Variants in SHROOM3 observed in about 807,000 individuals in gnomAD.
The protein encoded by SHROOM3 is shroom family member 3, also known as protein Shroom3.
In SHROOM3, 47 loss-of-function variants were observed where a neutral mutation model predicts 138.6. The ratio of observed to expected loss-of-function variants is 0.34; its 90% CI spans 0.27 to 0.43. SHROOM3 has a LOEUF of 0.43. Ranked by LOEUF, SHROOM3 falls within the 20% of genes least tolerant of loss-of-function variation. The pLI is 1.00. For missense variants in SHROOM3, 2,491 were observed against 2,596.5 expected (o/e 0.96, Z 0.88); for synonymous variants, 1,062 against 1,063.3 (o/e 1.00, Z 0.02).
At chr4:76,522,155 T>C (rs1732579893) in intron 1 of SHROOM3, among the ~76,000 whole-genome samples, 1 of 150,922 alleles carries the variant, frequency 6.6e-6, no homozygotes, top group Non-Finnish European at 1.5e-5. Flanking sequence ...TTGGATCTTT[T>C]TTTTTTTTTA....
chr4:76,624,542 G>T (rs1394338807), intron 2 of SHROOM3, among the ~76,000 whole-genome samples: 5 of 152,072 alleles, frequency 3.3e-5, no homozygotes, highest in African/African-American at 1.2e-4. Context: ...GGTTTCCAAG[G>T]GTGGGTGAGG....
intron 1 of SHROOM3, among the ~76,000 whole-genome samples, chr4:76,463,902 A>T (rs751180959): frequency 5.9e-5 from 9 of 152,230 alleles, no homozygotes; most frequent in Non-Finnish European, 1.2e-4. Flanking sequence ...GTGTATGGAA[A>T]TTCCTGGATG....
intron 2 of SHROOM3, among the ~76,000 whole-genome samples, chr4:76,663,403 A>G (rs1401960679): frequency 1.3e-5 from 2 of 151,988 alleles, no homozygotes; most frequent in Non-Finnish European, 2.9e-5. Flanking sequence ...TAAGCCTTTT[A>G]TTTTTCAAGA....
In SHROOM3 at chr4:76,654,680, C is replaced by G. The variant is rs185721853; in HGVS notation, c.324-55476C>G. ...TTTGGGAAATATTTTGGAGATAAAA[C>G]AGTATGATTTAGTGACTCTTTTGAT... On this transcript the variant is annotated intron_variant, in intron 2 of 10. Transcript: ENST00000296043. Among the ~76,000 whole-genome samples the G allele has an allele frequency of 4.8e-3, 732 of 152,162 alleles. 7 individuals carry two copies. Among genetic ancestry groups the G allele is most frequent in the Non-Finnish European group, 7.4e-3 (503 of 68,000 alleles).
chr4:76,578,818 C>T (rs1348471218), intron 2 of SHROOM3, among the ~76,000 whole-genome samples: 5 of 152,148 alleles, frequency 3.3e-5, no homozygotes, highest in African/African-American at 1.2e-4. Flanking sequence ...ACAAGACCCA[C>T]CCATACCAAA....
chr4:76,526,515 T>C (rs552530010), intron 1 of SHROOM3, among the ~76,000 whole-genome samples: 14 of 152,258 alleles, frequency 9.2e-5, no homozygotes, highest in Middle Eastern at 3.4e-3. Flanking sequence ...CTAAAGACAG[T>C]GGGTCCCCTT....
At chr4:76,574,213 C>A (rs1218973027) in intron 2 of SHROOM3, among the ~76,000 whole-genome samples, 1 of 152,176 alleles carries the variant, frequency 6.6e-6, no homozygotes, top group Admixed American at 6.5e-5. Context: ...ACTTCTATAA[C>A]TTCAAGCTTC....
At chr4:76,616,450 C>G (rs1352045393) in intron 2 of SHROOM3, among the ~76,000 whole-genome samples, 1 of 151,992 alleles carries the variant, frequency 6.6e-6, no homozygotes, top group African/African-American at 2.4e-5. Flanking sequence ...TATAGTGTAT[C>G]CATTCATATG....
intron 1 of SHROOM3, among the ~76,000 whole-genome samples, chr4:76,511,900 G>A (rs1732346572): frequency 6.6e-6 from 1 of 152,144 alleles, no homozygotes. Context: ...TTGCAGAAAC[G>A]GAGTGAGGGG....
intron 3 of SHROOM3, among the ~76,000 whole-genome samples, chr4:76,721,396 TA>T (rs1241812977): frequency 1.3e-5 from 2 of 152,188 alleles, no homozygotes; most frequent in Non-Finnish European, 2.9e-5. Context: ...GCATTATTTG[TA>T]ATAGCAAAAG....
At chr4:76,501,790 G>GT (rs1181965200) in intron 1 of SHROOM3, among the ~76,000 whole-genome samples, 1 of 152,118 alleles carries the variant, frequency 6.6e-6, no homozygotes, top group Non-Finnish European at 1.5e-5. Flanking sequence ...CAGCAGGGTG[G>GT]TATACCCCAA....
chr4:76,617,834 T>A (rs1324050650), intron 2 of SHROOM3, among the ~76,000 whole-genome samples: 6 of 152,266 alleles, frequency 3.9e-5, no homozygotes, highest in Non-Finnish European at 2.9e-5. Flanking sequence ...AAAACTTTTT[T>A]AACACTAAAA....
chr4:76,508,177 G>C (rs1418866864), intron 1 of SHROOM3, among the ~76,000 whole-genome samples: 2 of 151,534 alleles, frequency 1.3e-5, no homozygotes, highest in Non-Finnish European at 2.9e-5. Context: ...TCTTCTGTAA[G>C]TTTATAGCTT....
At chr4:76,758,473 A>AAAAG (rs1721891954) in intron 8 of SHROOM3, 1 of 151,604 alleles carries the variant, frequency 6.6e-6, no homozygotes, top group South Asian at 2.1e-4. Context: ...AAAAAAAAAA[A>AAAAG]AGGCATGCGC....
At chr4:76,488,034 A>G (rs1266235680) in intron 1 of SHROOM3, among the ~76,000 whole-genome samples, 1 of 152,108 alleles carries the variant, frequency 6.6e-6, no homozygotes, top group Non-Finnish European at 1.5e-5. Context: ...TATGTTGTTT[A>G]CCCTGAAACT....
intron 1 of SHROOM3, among the ~76,000 whole-genome samples, chr4:76,502,644 C>A (rs563587948): frequency 1.7e-4 from 26 of 152,326 alleles, no homozygotes; most frequent in African/African-American, 6.3e-4. Context: ...TAGAGAGATT[C>A]GAAGAACCAT....
At chr4:76,767,155 CAAGTT>C (rs1305773954) in intron 9 of SHROOM3, among the ~76,000 whole-genome samples, 1 of 152,162 alleles carries the variant, frequency 6.6e-6, no homozygotes, top group African/African-American at 2.4e-5. Flanking sequence ...TTGGCTGGGT[CAAGTT>C]ATTTTGACCC....
At chr4:76,636,468 A>T (rs1735497309) in intron 2 of SHROOM3, among the ~76,000 whole-genome samples, 1 of 152,256 alleles carries the variant, frequency 6.6e-6, no homozygotes. Flanking sequence ...ACTATTAGTA[A>T]TTTAAAATCA....
At chr4:76,635,540 T>C (rs1036796541) in intron 2 of SHROOM3, among the ~76,000 whole-genome samples, 3 of 152,182 alleles carry the variant, frequency 2.0e-5, no homozygotes, top group Non-Finnish European at 2.9e-5. Context: ...ATTCAGGTTG[T>C]AGAATTCTAG....
Sources: allele counts gnomAD v4.1 joint callset (sites outside exome capture counted in the v4.1 genomes callset), GRCh38; gene constraint gnomAD v4.1.1; transcripts MANE v1.5; gene names NCBI Gene and HGNC (gene_info 2026-07-23, HGNC 2026-07-21).